ITIH2: variants seen among roughly 807,000 people sequenced by gnomAD.
The protein encoded by ITIH2 is inter-alpha-trypsin inhibitor heavy chain 2.
In ITIH2, 103 loss-of-function variants were observed where a neutral mutation model predicts 104.4. That is an observed-to-expected ratio of 0.99 (90% CI 0.84 to 1.16). The LOEUF is 1.16. ITIH2 is among the 50% of genes most tolerant of loss of function. The pLI, the probability that ITIH2 is intolerant of heterozygous loss-of-function variation, is 0.00. For missense variants in ITIH2, 1,108 were observed against 1,162.4 expected, an observed-to-expected ratio of 0.95 and a Z score of 0.68; for synonymous variants, 436 against 435.4, an observed-to-expected ratio of 1.00 and a Z score of -0.02.
intron 9 of ITIH2, among the ~76,000 whole-genome samples, chr10:7,724,608 C>T (rs1001512109): frequency 2.3e-4 from 30 of 129,044 alleles, no homozygotes; most frequent in South Asian, 9.8e-4. Flanking sequence ...AAGACGAAGA[C>T]GAAGAAGAGG....
intron 5 of ITIH2, among the ~76,000 whole-genome samples, chr10:7,714,264 C>T (rs973635057): frequency 3.3e-5 from 5 of 150,882 alleles, no homozygotes; most frequent in South Asian, 2.1e-4. Context: ...CTCCGCCCCC[C>T]GGGTTCACGC....
intron 16 of ITIH2, 86 bp downstream of exon 16, chr10:7,738,844 G>T: frequency 7.3e-7 from 1 of 1,368,250 alleles, no homozygotes; most frequent in African/African-American, 1.5e-5. Context: ...CAGGTGCAGC[G>T]GCTCACGCCT....
intron 6 of ITIH2, among the ~76,000 whole-genome samples, chr10:7,718,532 TTTTTAAC>T (rs1307668900): frequency 7.3e-5 from 11 of 150,852 alleles, no homozygotes; most frequent in African/African-American, 2.5e-4. Context: ...AGTTATTTTT[TTTTTAAC>T]TTTTAAGTTC....
intron 12 of ITIH2, among the ~76,000 whole-genome samples, chr10:7,730,548 T>C (rs913491125): frequency 2.6e-5 from 4 of 152,178 alleles, no homozygotes; most frequent in Non-Finnish European, 4.4e-5. Context: ...AGGCTGAGTG[T>C]GGTGGCTCAT....
At chr10:7,710,578 C>G (rs192562780) in intron 4 of ITIH2, among the ~76,000 whole-genome samples, 7 of 152,164 alleles carry the variant, frequency 4.6e-5, no homozygotes, top group Non-Finnish European at 7.4e-5. Context: ...CCACTTTTGT[C>G]TTTCATACAC....
rs1285108041 is a variant in ITIH2 at position 7,717,737 on chromosome 10, C to CT, written c.580dup (p.Tyr194LeufsTer2). ...AGGTGAAGTGGAGGAAGCTGGGCTC[C>CT]TATGAGCACAGGATCTATCTGCAAC... is the stretch of plus-strand genomic sequence containing the variant. On this transcript the variant is annotated frameshift_variant, in exon 6 of 21. Coordinates refer to ENST00000358415, the MANE Select transcript of ITIH2 (RefSeq NM_002216.3). LOFTEE classifies it high-confidence loss of function. 6.2e-7 allele frequency: 1 copy of CT among 1,612,962 alleles called. No homozygotes were observed. Among genetic ancestry groups the CT allele is most frequent in the Non-Finnish European group, 8.5e-7 (1 of 1,179,980 alleles).
At chr10:7,707,262 G>A (rs1205965754) in intron 3 of ITIH2, 29 bp downstream of exon 3, 1 of 1,546,506 alleles carries the variant, frequency 6.5e-7, no homozygotes, top group South Asian at 1.1e-5. Context: ...GTTACAGATT[G>A]AATGATTTTC....
intron 5 of ITIH2, among the ~76,000 whole-genome samples, chr10:7,717,035 C>A (rs1488926936): frequency 6.6e-6 from 1 of 151,722 alleles, no homozygotes; most frequent in Non-Finnish European, 1.5e-5. Flanking sequence ...GCAACCTCTG[C>A]CTCCTGGGTC....
At chr10:7,716,196 G>A (rs1834848341) in intron 5 of ITIH2, among the ~76,000 whole-genome samples, 1 of 152,012 alleles carries the variant, frequency 6.6e-6, no homozygotes, top group African/African-American at 2.4e-5. Flanking sequence ...TGTTGGCCAG[G>A]CTGTTAACTC....
intron 4 of ITIH2, among the ~76,000 whole-genome samples, chr10:7,712,431 G>A (rs952059822): frequency 5.3e-5 from 8 of 152,088 alleles, no homozygotes; most frequent in Non-Finnish European, 7.4e-5. Flanking sequence ...ATAAACATTC[G>A]GTCCATTGCA....
intron 5 of ITIH2, 153 bp downstream of exon 5, chr10:7,713,438 A>G: frequency 1.6e-6 from 1 of 608,392 alleles, no homozygotes; most frequent in South Asian, 2.1e-5. Context: ...TAGGCACTGC[A>G]GTTTCTATTC....
intron 15 of ITIH2, among the ~76,000 whole-genome samples, chr10:7,735,345 A>G (rs1217971005): frequency 2.6e-5 from 4 of 152,106 alleles, no homozygotes; most frequent in Non-Finnish European, 5.9e-5. Context: ...TTTGACATCA[A>G]TATTTGAAAT....
At position 7,719,454 on chromosome 10, in the gene ITIH2, G is replaced by C. The variant is rs967351671; in HGVS notation, c.631-1402G>C. Among the ~76,000 whole-genome samples the C allele has an allele frequency of 2.0e-5, 3 of 152,128 alleles. No individual in the cohort carries two copies. In the East Asian group the frequency reaches 5.8e-4, roughly 29 times the overall value. ...TCTCTTCCTCAATGCCATGAATCCC[G>C]TGGTAAATAATTTGAAGCAATGGTT... On this transcript the variant is annotated intron_variant, in intron 6 of 20. Transcript: ENST00000358415.
At chr10:7,705,229 T>C (rs1356122755) in intron 2 of ITIH2, 47 bp downstream of exon 2, 7 of 1,290,650 alleles carry the variant, frequency 5.4e-6, no homozygotes, top group Non-Finnish European at 7.8e-6. Context: ...GTGAAAGAGA[T>C]TATGGCAGAA....
chr10:7,742,793 G>T (rs1835139426), intron 16 of ITIH2, among the ~76,000 whole-genome samples: 1 of 152,158 alleles, frequency 6.6e-6, no homozygotes, highest in Admixed American at 6.5e-5. Context: ...TCACACACGT[G>T]TATGTATGTT....
At chr10:7,725,189 TA>T (rs1268583495) in intron 9 of ITIH2, among the ~76,000 whole-genome samples, 1 of 152,106 alleles carries the variant, frequency 6.6e-6, no homozygotes, top group East Asian at 1.9e-4. Context: ...TTTTAAAAAA[TA>T]AAAGAAGCAT....
intron 4 of ITIH2, among the ~76,000 whole-genome samples, chr10:7,710,625 G>C (rs990853799): frequency 1.3e-5 from 2 of 152,096 alleles, no homozygotes; most frequent in African/African-American, 4.8e-5. Context: ...AAATAGTAAA[G>C]GGTTCAACCA....
rs548744959 is a variant in ITIH2 at position 7,744,607 on chromosome 10, C to T, written c.2409-184C>T. ...GCTCCAAACGCCATGATTGTGTCCT[C>T]TGCGTAGAAGCTTCCCAATGAGTTT... On this transcript the variant is annotated intron_variant, in intron 18 of 20. Coordinates refer to ENST00000358415, the MANE Select transcript of ITIH2 (RefSeq NM_002216.3). 7.2e-5 allele frequency among the ~76,000 whole-genome samples: 11 copies of T among 152,352 alleles called. No individual in the cohort carries two copies. In the Middle Eastern group the frequency reaches 0.014, roughly 188 times the overall value.
chr10:7,721,973 G>A (rs948043119), intron 8 of ITIH2, among the ~76,000 whole-genome samples, 196 bp downstream of exon 8: 7 of 152,110 alleles, frequency 4.6e-5, no homozygotes, highest in African/African-American at 1.7e-4. Flanking sequence ...TAAATGAATA[G>A]GGTCTCATGC....
Sources: allele counts gnomAD v4.1 joint callset (sites outside exome capture counted in the v4.1 genomes callset), GRCh38; gene constraint gnomAD v4.1.1; transcripts MANE v1.5; gene names NCBI Gene and HGNC (gene_info 2026-07-23, HGNC 2026-07-21).